The following ZP3 variants were observed in gnomAD, a reference collection of about 807,000 sequenced individuals.
ZP3 encodes zona pellucida glycoprotein 3.
A neutral mutation model predicts 35.6 loss-of-function variants in ZP3; 21 were observed. The ratio of observed to expected loss-of-function variants is 0.59; its 90% CI spans 0.42 to 0.85. The LOEUF is 0.85. ZP3 is among the 40% of genes least tolerant of loss of function. The probability of loss-of-function intolerance (pLI) is 0.00; values close to 1 mark genes in which losing one functional copy is unlikely to be tolerated. For missense variants in ZP3, 437 were observed against 536.5 expected, an observed-to-expected ratio of 0.81 and a Z score of 1.83; for synonymous variants, 207 against 214.5, an observed-to-expected ratio of 0.96 and a Z score of 0.31.
At chr7:76,421,584 T>C (rs1036447968), upstream of ZP3, among the ~76,000 whole-genome samples, 10 of 151,526 alleles carry the variant, frequency 6.6e-5, no homozygotes, top group African/African-American at 2.2e-4. Flanking sequence ...TATATATATA[T>C]ACACACACAT....
rs1209225118 is a variant in ZP3, at chr7:76,397,688, C to T, written c.-176C>T. 19 of 1,613,302 alleles carry T rather than the reference C, an allele frequency of 1.2e-5. No homozygotes were observed. Among genetic ancestry groups the T allele is most frequent in the Admixed American group, 1.7e-5 (1 of 59,992 alleles). On this transcript the variant is annotated 5_prime_UTR_variant, in exon 1 of 9. Coordinates refer to the ZP3 transcript ENST00000336517. Reference sequence around the variant, plus strand: ...GTTGGTGGTGGCGGCCATGGCCGCCCCGCAGCCCAGCTGACGACAGACCAC... The same window carrying T: ...GTTGGTGGTGGCGGCCATGGCCGCCTCGCAGCCCAGCTGACGACAGACCAC...
chr7:76,416,301 C>T (rs1805369566), intron 1 of ZP3, among the ~76,000 whole-genome samples: 1 of 151,062 alleles, frequency 6.6e-6, no homozygotes, highest in Admixed American at 6.6e-5. Flanking sequence ...TGGTGGCGCA[C>T]ACCTATAGTC....
chr7:76,431,143 G>A (rs764673879), intron 2 of ZP3, among the ~76,000 whole-genome samples: 21 of 152,214 alleles, frequency 1.4e-4, no homozygotes, highest in Admixed American at 9.8e-4. Context: ...AATGAGGCCT[G>A]ACCCATGGTT....
At chr7:76,417,521 A>T (rs1485787721) in intron 1 of ZP3, among the ~76,000 whole-genome samples, 4 of 152,112 alleles carry the variant, frequency 2.6e-5, no homozygotes, top group East Asian at 1.9e-4. Context: ...CACATTCTCA[A>T]ATTTGTGATT....
chr7:76,419,363 G>A (rs1476535386), intron 1 of ZP3, among the ~76,000 whole-genome samples: 1 of 151,990 alleles, frequency 6.6e-6, no homozygotes, highest in Non-Finnish European at 1.5e-5. Flanking sequence ...TTTTTATGTG[G>A]GAAGTGAAAT....
chr7:76,425,899 A>G (rs6976363), intron 1 of ZP3, among the ~76,000 whole-genome samples: 15,551 of 152,034 alleles, frequency 0.1, 1,657 homozygotes, highest in African/African-American at 0.27. Context: ...CCTGGCCAAC[A>G]TGGTGAAACC....
At position 76,417,306 on chromosome 7, in the gene ZP3, A is replaced by C. The variant is rs567137819; in HGVS notation, c.-66-7746A>C. The stretch of plus-strand genomic sequence containing the variant: ...ACTCCCAACCTCAGGCTATCGGCCC[A>C]CCTCAGCCTCCCAAAGTACTGGGAT... On this transcript the variant is annotated intron_variant, in intron 1 of 8. Coordinates refer to the ZP3 transcript ENST00000336517. Among the ~76,000 whole-genome samples the C allele has an allele frequency of 3.3e-5, 5 of 152,034 alleles. No homozygotes were observed. In the East Asian group the frequency reaches 9.7e-4, roughly 29 times the overall value.
chr7:76,433,459 G>A lies in ZP3; in HGVS notation c.536-11G>A, dbSNP rs1195735893. The stretch of plus-strand genomic sequence containing the variant: ...CATGAGCCACCATGCCCAGCTGACT[G>A]TGTCTTTCAGAGAACTGGAACGCTG... On this transcript the variant is annotated splice_polypyrimidine_tract_variant and intron_variant, in intron 3 of 7. Coordinates refer to ENST00000394857, the MANE Select transcript of ZP3 (RefSeq NM_001110354.2). 1 of 1,608,942 alleles carries A rather than the reference G, an allele frequency of 6.2e-7. No homozygotes were observed. The highest frequency in any genetic ancestry group is 2.2e-5 in the East Asian group (1 of 44,748).
At chr7:76,426,836 C>T (rs1327870393) in intron 1 of ZP3, among the ~76,000 whole-genome samples, 2 of 145,798 alleles carry the variant, frequency 1.4e-5, no homozygotes, top group Non-Finnish European at 3.0e-5. Flanking sequence ...TTAAGGCCAC[C>T]CTGGGCAACA....
chr7:76,400,256 T>TGTCCCTCCAG, intron 1 of ZP3: 1 of 1,436,742 alleles, frequency 7.0e-7, no homozygotes, highest in Middle Eastern at 1.9e-4. Flanking sequence ...ACAGTCTGTC[T>TGTCCCTCCAG]GTCCCTCCAG....
chr7:76,405,818 C>T (rs1805007714), intron 1 of ZP3, among the ~76,000 whole-genome samples: 1 of 152,066 alleles, frequency 6.6e-6, no homozygotes, highest in South Asian at 2.1e-4. Context: ...TCGGCCCAAA[C>T]CATGACCAGC....
intron 1 of ZP3, among the ~76,000 whole-genome samples, chr7:76,418,167 G>A (rs1207627810): frequency 6.6e-6 from 1 of 151,952 alleles, no homozygotes; most frequent in African/African-American, 2.4e-5. Flanking sequence ...GACCTCAGGT[G>A]ATCCACCCGC....
At chr7:76,422,988 T>G (rs1805542146), upstream of ZP3, among the ~76,000 whole-genome samples, 2 of 118,818 alleles carry the variant, frequency 1.7e-5, no homozygotes, top group African/African-American at 3.4e-5. Context: ...CAGAATGAGA[T>G]CCTGTCTCAA....
chr7:76,406,033 T>C (rs1451026971), intron 1 of ZP3, among the ~76,000 whole-genome samples: 3 of 151,950 alleles, frequency 2.0e-5, no homozygotes, highest in African/African-American at 7.3e-5. Context: ...TCGTCCAGGC[T>C]GGAATGCAAT....
intron 1 of ZP3, among the ~76,000 whole-genome samples, chr7:76,398,315 T>TG (rs1437008460): frequency 6.6e-6 from 1 of 150,856 alleles, no homozygotes; most frequent in Non-Finnish European, 1.5e-5. Context: ...TTCTATTTTT[T>TG]TTTTTTTTTT....
chr7:76,405,134 T>C (rs1804957019), intron 1 of ZP3, among the ~76,000 whole-genome samples: 1 of 145,666 alleles, frequency 6.9e-6, no homozygotes, highest in African/African-American at 2.5e-5. Context: ...AGACAGAGTC[T>C]CACTCTGTGG....
At chr7:76,412,311 G>T (rs1805268181) in intron 1 of ZP3, among the ~76,000 whole-genome samples, 1 of 152,086 alleles carries the variant, frequency 6.6e-6, no homozygotes, top group Admixed American at 6.6e-5. Flanking sequence ...CTCACACATT[G>T]TATGATTCCG....
chr7:76,429,411 C>T (rs916005672), intron 1 of ZP3, 104 bp from the exon 2 acceptor site: 1 of 1,089,470 alleles, frequency 9.2e-7, no homozygotes, highest in Non-Finnish European at 1.4e-6. Context: ...ACCCTGTGGT[C>T]TTTCTGTCCC....
At chr7:76,419,699 C>T (rs55718469) in intron 1 of ZP3, among the ~76,000 whole-genome samples, 2 of 144,752 alleles carry the variant, frequency 1.4e-5, no homozygotes, top group Non-Finnish European at 3.0e-5. Context: ...CTCTCTCTCT[C>T]CCTTCCTTCC....
Sources: allele counts gnomAD v4.1 joint callset (sites outside exome capture counted in the v4.1 genomes callset), GRCh38; gene constraint gnomAD v4.1.1; transcripts MANE v1.5; gene names NCBI Gene and HGNC (gene_info 2026-07-23, HGNC 2026-07-21).